Variants in DACH2 observed in about 807,000 individuals in gnomAD.
DACH2 encodes dachshund family transcription factor 2.
DACH2 carries 17 observed loss-of-function variants against 35.8 expected under a neutral mutation model. The observed-to-expected ratio is 0.48, with a 90% CI of 0.33 to 0.71. The LOEUF is 0.71. DACH2 is among the 30% of genes least tolerant of loss of function. The pLI is 0.02. For synonymous variants in DACH2, 195 were observed against 177.3 expected, an observed-to-expected ratio of 1.10 and a Z score of -0.79; for missense variants, 469 against 472.7, an observed-to-expected ratio of 0.99 and a Z score of 0.07.
At chrX:86,514,534 C>T (rs1052647607) in intron 3 of DACH2, 143 bp downstream of exon 3, 2 of 519,109 alleles carry the variant, frequency 3.9e-6, no homozygotes. Flanking sequence ...TTTATGTGTT[C>T]GTGAAAACAA....
intron 1 of DACH2, among the ~76,000 whole-genome samples, chrX:86,209,581 C>T (rs2032397404): frequency 9.0e-6 from 1 of 111,022 alleles, no homozygotes; most frequent in African/African-American, 3.3e-5. Flanking sequence ...TGTTTGTATT[C>T]CTCAGAGTCC....
rs60145269 is a variant in DACH2, at chrX:86,718,514, G to A, written c.1104+3794G>A. 2.0e-3 allele frequency among the ~76,000 whole-genome samples: 218 copies of A among 111,642 alleles called. 1 individual carries two copies. Among genetic ancestry groups the A allele is most frequent in the African/African-American group, 7.0e-3 (215 of 30,785 alleles). On this transcript the variant is annotated intron_variant, in intron 6 of 11. Coordinates refer to ENST00000373125, the MANE Select transcript of DACH2 (RefSeq NM_053281.3). ...CCATTTGTCTATTTTTGTTTTTGCT[G>A]CCTGTGCTTTTTACATCTTATTCAT... is the stretch of plus-strand genomic sequence containing the variant.
In DACH2 at chrX:86,813,241, C is replaced by A. The variant is rs1437685891; in HGVS notation, c.1501C>A (p.Leu501Ile). Residue 501 changes from leucine (L) to isoleucine (I), a missense_variant, in exon 9 of 12, where the codon CTT becomes ATT. Around this residue, in one of 3 missense-constraint regions of DACH2, gnomAD observed 363 missense variants for 334.4 expected, o/e 1.09. Transcript: ENST00000373125. ...TAGAGAGAGAGAAATTAGAGAAAAC[C>A]TTGAAAGACAACTTGCAGTTGAGCT... ...LYREREIREN[L>I]ERQLAVELQS... is the part of the protein sequence containing the mutation. The A allele has an allele frequency of 4.2e-6, 5 of 1,198,426 alleles. No homozygotes were observed. In the African/African-American group the frequency reaches 7.2e-5, roughly 17 times the overall value.
At chrX:86,251,570 A>G (rs1274496011) in intron 1 of DACH2, among the ~76,000 whole-genome samples, 2 of 111,459 alleles carry the variant, frequency 1.8e-5, no homozygotes, top group African/African-American at 6.5e-5. Context: ...GCTTCCAATT[A>G]TGAGTGAGAA....
chrX:86,534,941 G>T (rs1254508162), intron 3 of DACH2, among the ~76,000 whole-genome samples: 1 of 110,898 alleles, frequency 9.0e-6, no homozygotes, highest in African/African-American at 3.3e-5. Context: ...TATCAAATTT[G>T]CATTGATCAT....
At chrX:86,286,722 GCAAA>G (rs1391497134) in intron 1 of DACH2, among the ~76,000 whole-genome samples, 2 of 86,520 alleles carry the variant, frequency 2.3e-5, no homozygotes, top group Non-Finnish European at 4.4e-5. Context: ...GCGTAAACTT[GCAAA>G]CAAACAAACA....
intron 1 of DACH2, among the ~76,000 whole-genome samples, chrX:86,345,704 A>T (rs981873858): frequency 8.9e-6 from 1 of 111,976 alleles, no homozygotes; most frequent in Non-Finnish European, 1.9e-5. Context: ...AGACTGCCTG[A>T]CAAGGCAAGG....
chrX:86,789,211 T>C (rs1377626179), intron 7 of DACH2, among the ~76,000 whole-genome samples: 1 of 112,124 alleles, frequency 8.9e-6, no homozygotes, highest in Non-Finnish European at 1.9e-5. Context: ...GTTTCAGTAA[T>C]GGAAAAGGAC....
At chrX:86,727,348 G>T (rs2041481491) in intron 6 of DACH2, among the ~76,000 whole-genome samples, 2 of 111,455 alleles carry the variant, frequency 1.8e-5, no homozygotes. Context: ...ATTATAAAAA[G>T]GGTCCAAAAA....
intron 1 of DACH2, among the ~76,000 whole-genome samples, chrX:86,235,354 A>G (rs1055682198): frequency 1.8e-5 from 2 of 112,441 alleles, no homozygotes; most frequent in African/African-American, 6.5e-5. Flanking sequence ...CGCTGAAACT[A>G]TACTGACCTC....
At chrX:86,493,044 G>A (rs1602579288) in intron 2 of DACH2, among the ~76,000 whole-genome samples, 1 of 111,695 alleles carries the variant, frequency 9.0e-6, no homozygotes, top group East Asian at 2.8e-4. Context: ...TTTCCCCAGT[G>A]GCTTAGCTAA....
At chrX:86,250,901 G>A (rs144716462) in intron 1 of DACH2, among the ~76,000 whole-genome samples, 361 of 111,066 alleles carry the variant, frequency 3.3e-3, no homozygotes, top group African/African-American at 0.01. Context: ...TTATAACATT[G>A]TTATTGTAAA....
At chrX:86,407,257 C>A (rs1427937457) in intron 2 of DACH2, among the ~76,000 whole-genome samples, 2 of 111,720 alleles carry the variant, frequency 1.8e-5, no homozygotes, top group Non-Finnish European at 3.8e-5. Flanking sequence ...TTCTCTGTGA[C>A]CTTTTGCCAG....
intron 1 of DACH2, among the ~76,000 whole-genome samples, chrX:86,332,773 G>C (rs1174307931): frequency 9.0e-6 from 1 of 111,347 alleles, no homozygotes; most frequent in African/African-American, 3.3e-5. Flanking sequence ...TGGAGTAGAA[G>C]GCTAAAATTC....
At chrX:86,324,185 A>G (rs769659551) in intron 1 of DACH2, among the ~76,000 whole-genome samples, 7 of 111,882 alleles carry the variant, frequency 6.3e-5, no homozygotes, top group Non-Finnish European at 1.3e-4. Context: ...TACACTGTCT[A>G]TCCAAATAAT....
At position 86,739,815 on chromosome X, in the gene DACH2, C is replaced by G; in HGVS notation, c.1173C>G (p.Thr391=). 8.3e-7 allele frequency: 1 copy of G among 1,202,780 alleles called. No individual in the cohort carries two copies. Among genetic ancestry groups the G allele is most frequent in the South Asian group, 1.8e-5 (1 of 55,622 alleles). ...AGAATCATCGTCCTGGGAGCCAGAC[C>G]TCTTCCCACACCAGCAGCAGTGTGT... ...LEENHRPGSQ[T]SSHTSSSVSS... is the part of the protein sequence containing the mutation. The change falls in exon 7 of 12, where the codon ACC becomes ACG. Residue 391 remains threonine, a synonymous_variant. Transcript: ENST00000373125.
chrX:86,372,085 G>T (rs775109014), intron 1 of DACH2, among the ~76,000 whole-genome samples: 1 of 110,681 alleles, frequency 9.0e-6, no homozygotes. Flanking sequence ...CATTTTTATC[G>T]ATCTTTTCGA....
chrX:86,282,649 AT>A (rs996606246), intron 1 of DACH2, among the ~76,000 whole-genome samples: 2 of 110,905 alleles, frequency 1.8e-5, no homozygotes, highest in Non-Finnish European at 3.8e-5. Context: ...TGGGAGAAAA[AT>A]TTTTTCAGTC....
intron 3 of DACH2, among the ~76,000 whole-genome samples, chrX:86,636,298 A>G (rs2040264716): frequency 9.0e-6 from 1 of 110,527 alleles, no homozygotes. Context: ...AATACCAAAA[A>G]TGAGCCGGGC....
Sources: gnomAD v4.1 joint callset for allele counts (sites outside exome capture counted in the v4.1 genomes callset) on GRCh38, gnomAD v4.1.1 for gene constraint, gnomAD v4.1.1 regional missense constraint, MANE v1.5 for transcripts, NCBI Gene and HGNC (gene_info 2026-07-23, HGNC 2026-07-21) for gene names.